Variants in PCDH19 observed in about 807,000 individuals in gnomAD.
PCDH19 encodes the protein protocadherin-19.
A neutral mutation model predicts 46.2 loss-of-function variants in PCDH19; 6 were observed. The observed-to-expected ratio is 0.13, with a 90% confidence interval of 0.07 to 0.26. The LOEUF is 0.26. Ranked by LOEUF, PCDH19 falls within the 10% of genes least tolerant of loss-of-function variation. PCDH19 has a pLI of 1.00. For missense variants in PCDH19, 740 were observed against 972.3 expected (o/e 0.76, Z 3.18); for synonymous variants, 481 against 415.7 (o/e 1.16, Z -1.91).
intron 5 of PCDH19, among the ~76,000 whole-genome samples, chrX:100,336,380 G>T (rs765257842): frequency 1.8e-5 from 2 of 112,260 alleles, no homozygotes; most frequent in African/African-American, 6.5e-5. Context: ...GTAGAGTGTT[G>T]AAAGTGTAAA....
intron 5 of PCDH19, among the ~76,000 whole-genome samples, chrX:100,298,374 G>C (rs1924680446): frequency 8.9e-6 from 1 of 111,827 alleles, no homozygotes; most frequent in African/African-American, 3.3e-5. Flanking sequence ...ACACAATTCT[G>C]GGCATGGCCC....
intron 5 of PCDH19, among the ~76,000 whole-genome samples, chrX:100,331,093 A>T (rs1482657029): frequency 8.9e-6 from 1 of 111,779 alleles, no homozygotes; most frequent in Non-Finnish European, 1.9e-5. Context: ...CATCCTACAC[A>T]TACTTCCAAC....
At chrX:100,359,611 G>A (rs771795668) in intron 3 of PCDH19, among the ~76,000 whole-genome samples, 44 of 111,866 alleles carry the variant, frequency 3.9e-4, no homozygotes, top group African/African-American at 1.2e-3. Flanking sequence ...AAGAGGGTTG[G>A]GCATTGTGGC....
intron 3 of PCDH19, among the ~76,000 whole-genome samples, chrX:100,363,229 G>A (rs1249000479): frequency 5.5e-5 from 6 of 108,695 alleles, no homozygotes; most frequent in Non-Finnish European, 7.7e-5. Context: ...GCTTGAACCC[G>A]GGAGGCAGAG....
At chrX:100,321,728 A>C (rs1163658644) in intron 5 of PCDH19, among the ~76,000 whole-genome samples, 1 of 104,374 alleles carries the variant, frequency 9.6e-6, no homozygotes, top group African/African-American at 3.5e-5. Context: ...TACTCTGCTG[A>C]CTGTTTCTTT....
At chrX:100,316,923 A>AT (rs1404337244) in intron 5 of PCDH19, among the ~76,000 whole-genome samples, 3 of 111,716 alleles carry the variant, frequency 2.7e-5, no homozygotes, top group Non-Finnish European at 3.8e-5. Context: ...ATTTTATTGG[A>AT]TTTTTTCTTG....
At chrX:100,345,474 A>G (rs1926371853) in intron 4 of PCDH19, among the ~76,000 whole-genome samples, 1 of 111,321 alleles carries the variant, frequency 9.0e-6, no homozygotes, top group South Asian at 3.8e-4. Context: ...TCACTTCTCA[A>G]AAACTTCAAC....
intron 4 of PCDH19, among the ~76,000 whole-genome samples, chrX:100,344,352 T>C (rs1417069671): frequency 8.9e-6 from 1 of 112,023 alleles, no homozygotes; most frequent in African/African-American, 3.2e-5. Context: ...TGATTTAAAG[T>C]GTTTCACCAT....
intron 5 of PCDH19, among the ~76,000 whole-genome samples, chrX:100,329,866 C>T (rs986878893): frequency 1.2e-4 from 13 of 111,711 alleles, no homozygotes; most frequent in Non-Finnish European, 1.7e-4. Flanking sequence ...GAGCTGAGAT[C>T]GCGCCACTGC....
At chrX:100,366,043 G>C (rs1187057632) in intron 3 of PCDH19, among the ~76,000 whole-genome samples, 1 of 111,972 alleles carries the variant, frequency 8.9e-6, no homozygotes, top group Non-Finnish European at 1.9e-5. Flanking sequence ...GGATACTGTA[G>C]AAAGAGGATG....
intron 5 of PCDH19, among the ~76,000 whole-genome samples, chrX:100,324,936 C>A (rs1925634314): frequency 1.8e-5 from 2 of 110,913 alleles, no homozygotes. Flanking sequence ...ATCCAAAGAC[C>A]AGACTGGACA....
intron 3 of PCDH19, among the ~76,000 whole-genome samples, chrX:100,373,261 C>T (rs1254737854): frequency 3.5e-5 from 4 of 112,941 alleles, no homozygotes; most frequent in African/African-American, 1.3e-4. Context: ...CCCCCCTCAG[C>T]CTCCCTCGGG....
At chrX:100,319,925 G>A (rs1357376681) in intron 5 of PCDH19, among the ~76,000 whole-genome samples, 2 of 112,097 alleles carry the variant, frequency 1.8e-5, no homozygotes, top group Admixed American at 1.9e-4. Flanking sequence ...GGAGAAGGAA[G>A]ATGAGAACAT....
intron 5 of PCDH19, among the ~76,000 whole-genome samples, chrX:100,316,341 C>T (rs1925304501): frequency 8.9e-6 from 1 of 112,236 alleles, no homozygotes; most frequent in African/African-American, 3.2e-5. Flanking sequence ...AAATGCATTA[C>T]AATCCCCAGC....
intron 5 of PCDH19, among the ~76,000 whole-genome samples, chrX:100,333,780 T>C (rs749167945): frequency 1.2e-3 from 121 of 99,032 alleles, no homozygotes; most frequent in Non-Finnish European, 2.1e-3. Context: ...GTTTGTTTTT[T>C]TCCTCTTCAT....
At chrX:100,338,416 G>C (rs1926160935) in intron 5 of PCDH19, among the ~76,000 whole-genome samples, 1 of 106,344 alleles carries the variant, frequency 9.4e-6, no homozygotes, top group Non-Finnish European at 1.9e-5. Context: ...CAGCTACTTG[G>C]GAAGCTAAGG....
At chrX:100,354,940 C>T (rs1926670153) in intron 3 of PCDH19, among the ~76,000 whole-genome samples, 1 of 109,857 alleles carries the variant, frequency 9.1e-6, no homozygotes, top group Non-Finnish European at 1.9e-5. Context: ...CTAATTGTCA[C>T]ATTAAAAAAA....
In PCDH19 at chrX:100,387,912, A is replaced by G. The variant is rs186599407; in HGVS notation, c.2616+14612T>C. On this transcript the variant is annotated intron_variant, in intron 3 of 5. Coordinates refer to ENST00000373034, the MANE Select transcript of PCDH19 (RefSeq NM_001184880.2). ...GGTATGATCTAATTGGAAAATGAAA[A>G]TAAGGAACATTTTGGTCTGCCCCTC... Among the ~76,000 whole-genome samples the G allele has an allele frequency of 1.4e-3, 152 of 111,637 alleles. 3 individuals are homozygous for G. Among genetic ancestry groups the G allele is most frequent in the Admixed American group, 9.8e-3 (103 of 10,533 alleles).
chrX:100,314,728 T>C (rs984096929), intron 5 of PCDH19, among the ~76,000 whole-genome samples: 3 of 111,558 alleles, frequency 2.7e-5, no homozygotes, highest in Non-Finnish European at 3.8e-5. Context: ...GCTCCCCCAG[T>C]GTATTTAAGA....
Sources: gnomAD v4.1 joint callset for allele counts (sites outside exome capture counted in the v4.1 genomes callset) on GRCh38, gnomAD v4.1.1 for gene constraint, MANE v1.5 for transcripts, NCBI Gene and HGNC (gene_info 2026-07-23, HGNC 2026-07-21) for gene names.